DNER: variants seen among roughly 807,000 people sequenced by gnomAD.
DNER encodes delta/notch like EGF repeat containing.
In DNER, 33 loss-of-function variants were observed where a neutral mutation model predicts 78.2. That is an observed-to-expected ratio of 0.42 (90% CI 0.32 to 0.56). DNER has a LOEUF of 0.56. Ranked by LOEUF, DNER falls within the 20% of genes least tolerant of loss-of-function variation. The pLI, the probability that DNER is intolerant of heterozygous loss-of-function variation, is 0.11. For synonymous variants in DNER, 417 were observed against 384.8 expected (o/e 1.08, Z -0.98); for missense variants, 918 against 975.3 (o/e 0.94, Z 0.78).
chr2:229,556,481 C>G lies in DNER; in HGVS notation c.848-9389G>C, dbSNP rs144218505. Among the ~76,000 whole-genome samples the G allele has an allele frequency of 3.8e-4, 58 of 152,292 alleles. 1 individual carries two copies. In the East Asian group the frequency reaches 0.011, roughly 28 times the overall value. Reference sequence around the variant, plus strand: ...GATGTGTGCTTCCAGTTAAGAACCACTGGTCTGGTACAAAAACTAATCTAA... The same window carrying G: ...GATGTGTGCTTCCAGTTAAGAACCAGTGGTCTGGTACAAAAACTAATCTAA... On this transcript the variant is annotated intron_variant, in intron 4 of 12. Transcript: ENST00000341772.
At chr2:229,474,637 C>T (rs1176642915) in intron 7 of DNER, among the ~76,000 whole-genome samples, 1 of 152,216 alleles carries the variant, frequency 6.6e-6, no homozygotes, top group Admixed American at 6.5e-5. Flanking sequence ...CTTCCAGACT[C>T]ATAGAGCCAC....
intron 1 of DNER, among the ~76,000 whole-genome samples, chr2:229,596,190 G>A (rs1365747112): frequency 1.3e-5 from 2 of 152,182 alleles, no homozygotes; most frequent in East Asian, 3.8e-4. Context: ...GAATGAATGA[G>A]TGAGTGAATG....
intron 1 of DNER, among the ~76,000 whole-genome samples, chr2:229,703,273 A>G (rs1013336313): frequency 7.9e-5 from 12 of 152,236 alleles, no homozygotes; most frequent in Non-Finnish European, 1.8e-4. Context: ...AAACAAAGGT[A>G]CCAAAATAAT....
chr2:229,388,592 AATATATATATATATATATAT>A (rs56042896), intron 10 of DNER, among the ~76,000 whole-genome samples, 196 bp from the exon 11 acceptor site: 840 of 57,964 alleles, frequency 0.014, 27 homozygotes, highest in African/African-American at 0.032. Flanking sequence ...CTAAAAAGGA[AATATATATATATATATATAT>A]ATATATATAT....
intron 7 of DNER, among the ~76,000 whole-genome samples, chr2:229,458,135 CAAAAAAAAA>C (rs61340733): frequency 0.026 from 460 of 17,718 alleles, 8 homozygotes; most frequent in African/African-American, 0.09. Context: ...GACTCTATCT[CAAAAAAAAA>C]AAAAAAAAAA....
chr2:229,576,792 C>T (rs1281085432), intron 4 of DNER, among the ~76,000 whole-genome samples: 4 of 151,702 alleles, frequency 2.6e-5, no homozygotes, highest in East Asian at 3.9e-4. Flanking sequence ...AGAGAAATGA[C>T]GCCAGCTACA....
At position 229,358,311 on chromosome 2, in the gene DNER, C is replaced by T; in HGVS notation, c.*229G>A. 1 of 302,418 alleles carries T rather than the reference C, an allele frequency of 3.3e-6. No homozygotes were observed. Among genetic ancestry groups the T allele is most frequent in the Non-Finnish European group, 6.1e-6 (1 of 164,190 alleles). 18.7% of individuals were successfully genotyped at this position (302,418 alleles called of 1,614,324 possible). A position where few individuals can be genotyped will look rare whatever the true frequency, so the allele number is the denominator to read the frequency against. ...TGAAAAGAGCACACACTAGTAGAAG[C>T]ACACAGTTTAGAGAGCTGAAGGTAC... On this transcript the variant is annotated 3_prime_UTR_variant, in exon 13 of 13. Transcript: ENST00000341772.
intron 10 of DNER, among the ~76,000 whole-genome samples, chr2:229,405,592 GATGTAAAAAC>G (rs59235576): frequency 0.14 from 21,847 of 151,962 alleles, 2,192 homozygotes; most frequent in East Asian, 0.51. Context: ...GCTATTCCTT[GATGTAAAAAC>G]ACATTTATGA....
intron 1 of DNER, among the ~76,000 whole-genome samples, chr2:229,622,526 T>G (rs757974554): frequency 8.5e-5 from 13 of 152,194 alleles, no homozygotes; most frequent in Non-Finnish European, 1.9e-4. Context: ...AGCACGGGAA[T>G]GCAGAGTAAC....
intron 11 of DNER, among the ~76,000 whole-genome samples, chr2:229,368,542 A>G (rs980385139): frequency 6.6e-6 from 1 of 152,254 alleles, no homozygotes; most frequent in African/African-American, 2.4e-5. Context: ...GCATGTTACC[A>G]AACAGGATCT....
At chr2:229,381,042 A>C (rs1172300943) in intron 11 of DNER, among the ~76,000 whole-genome samples, 1 of 152,226 alleles carries the variant, frequency 6.6e-6, no homozygotes, top group Non-Finnish European at 1.5e-5. Flanking sequence ...TGCAGAAGGC[A>C]GCTGATTTCT....
At chr2:229,612,903 C>T (rs894402083) in intron 1 of DNER, among the ~76,000 whole-genome samples, 5 of 152,182 alleles carry the variant, frequency 3.3e-5, no homozygotes, top group East Asian at 1.9e-4. Flanking sequence ...AAAGCAAGAA[C>T]GTATTCCAAT....
chr2:229,658,863 A>G (rs1225712771), intron 1 of DNER, among the ~76,000 whole-genome samples: 1 of 152,216 alleles, frequency 6.6e-6, no homozygotes, highest in African/African-American at 2.4e-5. Flanking sequence ...AAATTGTACA[A>G]CACTCATCAT....
At chr2:229,604,374 A>T (rs865926406) in intron 1 of DNER, among the ~76,000 whole-genome samples, 13 of 152,230 alleles carry the variant, frequency 8.5e-5, no homozygotes, top group African/African-American at 2.2e-4. Context: ...AACAAAGAAG[A>T]GACCCCATTG....
Position 229,447,554 on chromosome 2 carries a change from C to G in DNER, c.1262-14G>C, listed in dbSNP as rs1018873804. ...ATCCGAAGTATCCTGTGAAAAAACA[C>G]ATGAGAGCTTAAAAAAACTAAAACA... On this transcript the variant is annotated splice_polypyrimidine_tract_variant and intron_variant, in intron 7 of 12. Transcript: ENST00000341772. 6.2e-7 allele frequency: 1 copy of G among 1,610,908 alleles called. No homozygotes were observed. Among genetic ancestry groups the G allele is most frequent in the Non-Finnish European group, 8.5e-7 (1 of 1,178,112 alleles).
At chr2:229,387,058 A>C (rs1225770856) in intron 11 of DNER, among the ~76,000 whole-genome samples, 1 of 152,204 alleles carries the variant, frequency 6.6e-6, no homozygotes, top group Non-Finnish European at 1.5e-5. Flanking sequence ...TCACAACAGC[A>C]AAGACTTGGA....
At chr2:229,483,925 G>A (rs1296996985) in intron 6 of DNER, among the ~76,000 whole-genome samples, 2 of 152,116 alleles carry the variant, frequency 1.3e-5, no homozygotes, top group Non-Finnish European at 1.5e-5. Flanking sequence ...CATCCCTGGA[G>A]GCCCCTGTTG....
intron 7 of DNER, among the ~76,000 whole-genome samples, chr2:229,448,615 T>C (rs1694389560): frequency 1.3e-5 from 2 of 152,222 alleles, no homozygotes; most frequent in Admixed American, 1.3e-4. Flanking sequence ...GATTTTTATC[T>C]TGTTTCCTGT....
In DNER at chr2:229,662,709, A is replaced by G. The variant is rs528405419; in HGVS notation, c.276+51439T>C. On this transcript the variant is annotated intron_variant, in intron 1 of 12. Coordinates refer to ENST00000341772, the MANE Select transcript of DNER (RefSeq NM_139072.4). The stretch of plus-strand genomic sequence containing the variant: ...CAAAACTCTCTGGCCTCTGCTGACC[A>G]GAACAGACACACCAGGCTCATCAGG... 9.6e-4 allele frequency among the ~76,000 whole-genome samples: 147 copies of G among 152,334 alleles called. 2 individuals are homozygous for G. The South Asian group carries it at 0.015, about 16-fold the overall frequency.
Sources: allele counts gnomAD v4.1 joint callset (sites outside exome capture counted in the v4.1 genomes callset), GRCh38; gene constraint gnomAD v4.1.1; transcripts MANE v1.5; gene names NCBI Gene and HGNC (gene_info 2026-07-23, HGNC 2026-07-21).